The following DNAJC12 variants were observed in gnomAD, a reference collection of about 807,000 sequenced individuals.
The protein encoded by DNAJC12 is dnaJ homolog subfamily C member 12.
DNAJC12 carries 25 observed loss-of-function variants against 28.5 expected under a neutral mutation model. The observed-to-expected ratio is 0.88, with a 90% CI of 0.64 to 1.22. The LOEUF is 1.22. DNAJC12 is among the 50% of genes most tolerant of loss of function. DNAJC12 has a pLI of 0.00. For synonymous variants in DNAJC12, 77 were observed against 80.6 expected (o/e 0.95, Z 0.24); for missense variants, 222 against 231.7 (o/e 0.96, Z 0.27).
intron 1 of DNAJC12, among the ~76,000 whole-genome samples, chr10:67,826,659 TTA>T (rs1169893889): frequency 5.4e-5 from 7 of 130,594 alleles, no homozygotes; most frequent in South Asian, 2.2e-4. Flanking sequence ...ATGATATATA[TTA>T]TATATATCAT....
chr10:67,800,816 G>A (rs554167660), intron 4 of DNAJC12, among the ~76,000 whole-genome samples: 1 of 152,112 alleles, frequency 6.6e-6, no homozygotes, highest in South Asian at 2.1e-4. Flanking sequence ...ATGATGGCAG[G>A]TGCCGTAATC....
At chr10:67,803,542 A>T (rs1293881857) in intron 4 of DNAJC12, among the ~76,000 whole-genome samples, 7 of 152,176 alleles carry the variant, frequency 4.6e-5, no homozygotes, top group Non-Finnish European at 1.0e-4. Flanking sequence ...CTAAATTACT[A>T]TTTTTTTAAA....
rs572865299 is a variant in DNAJC12, at chr10:67,797,805, C to A, written c.503-595G>T. On this transcript the variant is annotated intron_variant, in intron 4 of 4. Coordinates refer to ENST00000225171, the MANE Select transcript of DNAJC12 (RefSeq NM_021800.3). ...CCTGTAATCCCAGCACTTTGGGAGGCCAAGGCGGGCGGATCACGAGGTCAG... is the reference window on the plus strand; with the variant it reads ...CCTGTAATCCCAGCACTTTGGGAGGACAAGGCGGGCGGATCACGAGGTCAG... Among the ~76,000 whole-genome samples the A allele has an allele frequency of 9.7e-3, 1,483 of 152,196 alleles. 25 individuals are homozygous for A. Among genetic ancestry groups the A allele is most frequent in the African/African-American group, 0.034 (1,394 of 41,518 alleles).
intron 1 of DNAJC12, among the ~76,000 whole-genome samples, chr10:67,830,220 A>G (rs1415377737): frequency 6.6e-6 from 1 of 152,198 alleles, no homozygotes; most frequent in Non-Finnish European, 1.5e-5. Flanking sequence ...CTGAGACACA[A>G]GAATCGCTTG....
intron 3 of DNAJC12, chr10:67,808,502 G>A (rs1436276072): frequency 6.6e-6 from 1 of 152,088 alleles, no homozygotes; most frequent in Non-Finnish European, 1.5e-5. Context: ...CTAGGAAATA[G>A]TGCTCGTCTC....
intron 1 of DNAJC12, 119 bp from the exon 2 acceptor site, chr10:67,823,511 G>C (rs1162255349): frequency 1.3e-5 from 10 of 745,630 alleles, no homozygotes; most frequent in Non-Finnish European, 1.4e-5. Context: ...GACCAGCCTG[G>C]ACAACAAAGC....
chr10:67,798,561 G>T (rs1419958744), intron 4 of DNAJC12, among the ~76,000 whole-genome samples: 1 of 151,788 alleles, frequency 6.6e-6, no homozygotes, highest in African/African-American at 2.4e-5. Flanking sequence ...ATGTGCCCGT[G>T]GTCCCAGCTA....
intron 1 of DNAJC12, among the ~76,000 whole-genome samples, chr10:67,829,722 CTCTT>C (rs781048288): frequency 3.3e-4 from 51 of 152,254 alleles, no homozygotes; most frequent in Non-Finnish European, 5.1e-4. Context: ...TGTTTCTCTC[CTCTT>C]TCTTTAATTC....
intron 4 of DNAJC12, among the ~76,000 whole-genome samples, chr10:67,804,163 T>A (rs1436378331): frequency 6.6e-6 from 1 of 152,212 alleles, no homozygotes; most frequent in Non-Finnish European, 1.5e-5. Context: ...ACAGTTACAA[T>A]GTGTGTATAC....
chr10:67,813,257 G>C (rs1277269170), intron 2 of DNAJC12, among the ~76,000 whole-genome samples: 1 of 151,820 alleles, frequency 6.6e-6, no homozygotes, highest in Non-Finnish European at 1.5e-5. Context: ...CAGCTATTTG[G>C]GAGGCTGAGG....
rs540478813 is a variant in DNAJC12, at chr10:67,815,523, A to G, written c.158-3860T>C. ...TACTTCGTCTCAAAAAAAAAAAAAAAAAAAGAAAAGAAAAAAAAAGATGGG... is the reference window on the plus strand; with the variant it reads ...TACTTCGTCTCAAAAAAAAAAAAAAGAAAAGAAAAGAAAAAAAAAGATGGG... On this transcript the variant is annotated intron_variant, in intron 2 of 4. Coordinates refer to ENST00000225171, the MANE Select transcript of DNAJC12 (RefSeq NM_021800.3). 2.1e-4 allele frequency among the ~76,000 whole-genome samples: 32 copies of G among 151,216 alleles called. No individual in the cohort carries two copies. The South Asian group carries it at 3.8e-3, about 18-fold the overall frequency.
intron 2 of DNAJC12, among the ~76,000 whole-genome samples, chr10:67,820,762 A>G (rs1841973330): frequency 6.6e-6 from 1 of 151,014 alleles, no homozygotes; most frequent in Non-Finnish European, 1.5e-5. Flanking sequence ...GACAAGGAAA[A>G]CATTTTCTTT....
intron 2 of DNAJC12, among the ~76,000 whole-genome samples, chr10:67,812,894 G>A (rs993784313): frequency 2.0e-5 from 3 of 150,880 alleles, no homozygotes; most frequent in African/African-American, 7.3e-5. Context: ...CGGTGGCCCA[G>A]GCCTGTAATC....
chr10:67,805,454 T>G, intron 4 of DNAJC12, 129 bp downstream of exon 4: 1 of 992,354 alleles, frequency 1.0e-6, no homozygotes, highest in East Asian at 2.5e-5. Flanking sequence ...AAGTGTCTTT[T>G]AAGATGATAA....
At position 67,823,405 on chromosome 10, in the gene DNAJC12, T is replaced by C. The variant is rs1841999641; in HGVS notation, c.79-13A>G. The stretch of plus-strand genomic sequence containing the variant: ...GGATTTGTTCAACCTGAAACAAAAA[T>C]CAGTGTTTAAAATAAAGAGTCATGC... On this transcript the variant is annotated splice_polypyrimidine_tract_variant and intron_variant, in intron 1 of 4. Coordinates refer to ENST00000225171, the MANE Select transcript of DNAJC12 (RefSeq NM_021800.3). 1 of 1,612,810 alleles carries C rather than the reference T, an allele frequency of 6.2e-7. No homozygotes were observed. The highest frequency in any genetic ancestry group is 1.7e-5 in the Admixed American group (1 of 59,954).
In DNAJC12 at chr10:67,797,100, T is replaced by C. The variant is rs138951169; in HGVS notation, c.*16A>G. 3.0e-4 allele frequency: 483 copies of C among 1,603,524 alleles called. 2 individuals are homozygous for C. The East Asian group carries it at 9.6e-3, about 32-fold the overall frequency. On this transcript the variant is annotated 3_prime_UTR_variant, in exon 5 of 5. Transcript: ENST00000225171. ...GGACAGTCTTGCTCTTCCTCATTTTTTGAAGCAGAGATATTTCATATTTCA... is the reference window on the plus strand; with the variant it reads ...GGACAGTCTTGCTCTTCCTCATTTTCTGAAGCAGAGATATTTCATATTTCA...
chr10:67,802,838 CGTGT>C (rs71006167), intron 4 of DNAJC12, among the ~76,000 whole-genome samples: 7,613 of 143,016 alleles, frequency 0.053, 507 homozygotes, highest in African/African-American at 0.15. Context: ...AGTTATTGTG[CGTGT>C]GTGTGTGTGT....
rs974298009 is a variant in DNAJC12, at chr10:67,803,475, A to T, written c.502+2108T>A. 2.6e-5 allele frequency among the ~76,000 whole-genome samples: 4 copies of T among 152,274 alleles called. No individual in the cohort carries two copies. The East Asian group carries it at 5.8e-4, about 22-fold the overall frequency. The stretch of plus-strand genomic sequence containing the variant: ...GAGAAGGTTGGCAACCTGGCTATAT[A>T]TGATTCTTTGAATTTTTTAACAGCA... On this transcript the variant is annotated intron_variant, in intron 4 of 4. Coordinates refer to ENST00000225171, the MANE Select transcript of DNAJC12 (RefSeq NM_021800.3).
intron 4 of DNAJC12, among the ~76,000 whole-genome samples, chr10:67,801,141 G>A (rs7094910): frequency 0.011 from 1,677 of 152,284 alleles, 35 homozygotes; most frequent in African/African-American, 0.038. Flanking sequence ...AGAATGTGGT[G>A]GGGGCTATTT....
Sources: allele counts gnomAD v4.1 joint callset (sites outside exome capture counted in the v4.1 genomes callset), GRCh38; gene constraint gnomAD v4.1.1; transcripts MANE v1.5; gene names NCBI Gene and HGNC (gene_info 2026-07-23, HGNC 2026-07-21).